LTBP2: variants seen among roughly 807,000 people sequenced by gnomAD.
LTBP2 encodes latent-transforming growth factor beta-binding protein 2.
LTBP2 carries 103 observed loss-of-function variants against 210.6 expected under a neutral mutation model. That is an observed-to-expected ratio of 0.49 (90% confidence interval 0.42 to 0.58). The LOEUF is 0.58. LTBP2 is among the 20% of genes least tolerant of loss of function. The pLI, the probability that LTBP2 is intolerant of heterozygous loss-of-function variation, is 0.00. For synonymous variants in LTBP2, 1,007 were observed against 1,015.0 expected, an observed-to-expected ratio of 0.99 and a Z score of 0.15; for missense variants, 2,313 against 2,494.5, an observed-to-expected ratio of 0.93 and a Z score of 1.55.
chr14:74,545,020 A>G (rs1479092349), intron 8 of LTBP2, among the ~76,000 whole-genome samples: 1 of 152,162 alleles, frequency 6.6e-6, no homozygotes, highest in East Asian at 1.9e-4. Context: ...CTGCCCCTCT[A>G]TCTAACCCAA....
At chr14:74,577,798 G>A (rs140569810) in intron 3 of LTBP2, among the ~76,000 whole-genome samples, 1,585 of 151,764 alleles carry the variant, frequency 0.01, 27 homozygotes, top group African/African-American at 0.036. Flanking sequence ...TGGCCAGCGC[G>A]CCCAGCTGAC....
chr14:74,519,901 G>A (rs1325052785), intron 17 of LTBP2, among the ~76,000 whole-genome samples: 1 of 152,204 alleles, frequency 6.6e-6, no homozygotes, highest in Admixed American at 6.5e-5. Context: ...TTGGAGCCCA[G>A]AGAAGCCTCC....
At chr14:74,533,035 T>C (rs1380157509) in intron 9 of LTBP2, among the ~76,000 whole-genome samples, 1 of 152,178 alleles carries the variant, frequency 6.6e-6, no homozygotes, top group African/African-American at 2.4e-5. Context: ...TGTAGAGATG[T>C]GTTTTCACCA....
Position 74,525,103 on chromosome 14 carries a change from CA to C in LTBP2, c.2530+20del, listed in dbSNP as rs777341333. Reference sequence around the variant, plus strand: ...TCACAGGGCAGGGTGCAGGGAGCCCCAAAGGTCTGGCTGCAGCTACCTGGGG... The same window carrying C: ...TCACAGGGCAGGGTGCAGGGAGCCCCAAGGTCTGGCTGCAGCTACCTGGGG... On this transcript the variant is annotated intron_variant, in intron 15 of 35. Coordinates refer to ENST00000261978, the MANE Select transcript of LTBP2 (RefSeq NM_000428.3). The C allele has an allele frequency of 2.1e-5, 27 of 1,294,312 alleles. No homozygotes were observed. Among genetic ancestry groups the C allele is most frequent in the Non-Finnish European group, 2.6e-5 (26 of 1,000,448 alleles). 80.2% of individuals were successfully genotyped at this position (1,294,312 alleles called of 1,614,324 possible).
intron 18 of LTBP2, among the ~76,000 whole-genome samples, chr14:74,515,439 T>C (rs777931377): frequency 3.3e-5 from 5 of 152,026 alleles, no homozygotes; most frequent in African/African-American, 4.8e-5. Context: ...GTATTTTTAG[T>C]AGAGACAGGG....
chr14:74,588,175 G>T (rs1398500046), intron 2 of LTBP2, among the ~76,000 whole-genome samples: 1 of 152,136 alleles, frequency 6.6e-6, no homozygotes, highest in Non-Finnish European at 1.5e-5. Context: ...CCATTCACTG[G>T]GCGTGCCCTG....
At chr14:74,549,131 G>A (rs2087615373) in intron 8 of LTBP2, among the ~76,000 whole-genome samples, 1 of 152,230 alleles carries the variant, frequency 6.6e-6, no homozygotes, top group Admixed American at 6.5e-5. Flanking sequence ...CCCAGGCCCA[G>A]AAAGGAGGCC....
intron 2 of LTBP2, among the ~76,000 whole-genome samples, chr14:74,591,533 T>G (rs1329700625): frequency 6.6e-6 from 1 of 152,144 alleles, no homozygotes; most frequent in African/African-American, 2.4e-5. Flanking sequence ...AGTTTCAGGT[T>G]TTTGGAGGTT....
chr14:74,598,252 C>T (rs1407965297), intron 2 of LTBP2, among the ~76,000 whole-genome samples: 2 of 152,206 alleles, frequency 1.3e-5, no homozygotes, highest in East Asian at 3.9e-4. Flanking sequence ...CAAGGAGGAG[C>T]TCAGATCAGG....
intron 3 of LTBP2, among the ~76,000 whole-genome samples, chr14:74,569,894 A>G (rs1384593858): frequency 1.3e-5 from 2 of 152,092 alleles, no homozygotes; most frequent in Admixed American, 1.3e-4. Flanking sequence ...CCACAGTCCT[A>G]AAGCTCAGGA....
rs1394960769 is a variant in LTBP2, at chr14:74,552,924, T to C, written c.1160A>G (p.His387Arg). 12 of 1,613,606 alleles carry C rather than the reference T, an allele frequency of 7.4e-6. No individual in the cohort carries two copies. The highest frequency in any genetic ancestry group is 1.6e-4 in the Middle Eastern group (1 of 6,062). Residue 387 changes from histidine to arginine, a missense_variant, in exon 5 of 36, where the codon CAT (histidine) becomes CGT (arginine). By Grantham distance (29) the His-to-Arg change is conservative. This residue lies in a region of LTBP2 where 1,867 missense variants were observed against 1,976.9 expected (regional missense o/e 0.94). Coordinates refer to ENST00000261978, the MANE Select transcript of LTBP2 (RefSeq NM_000428.3). ...GAAGCCAGACTTGGGATCGTGCCCATGGCCGCCCTGGCTGTACAGGGTGGT... is the reference window on the plus strand; with the variant it reads ...GAAGCCAGACTTGGGATCGTGCCCACGGCCGCCCTGGCTGTACAGGGTGGT... ...DTTTLYSQGG[H>R]GHDPKSGFRI...
At chr14:74,564,238 TATATTTATATATATTTATATATATTTATA>T (rs2087857754) in intron 3 of LTBP2, among the ~76,000 whole-genome samples, 1 of 36,904 alleles carries the variant, frequency 2.7e-5, no homozygotes, top group Non-Finnish European at 4.6e-5. Context: ...TATATTTATA[TATATTTATATATATTTATATATATTTATA>T]TATATTTATA....
At chr14:74,568,621 C>T (rs868150193) in intron 3 of LTBP2, among the ~76,000 whole-genome samples, 15 of 152,136 alleles carry the variant, frequency 9.9e-5, no homozygotes, top group African/African-American at 3.6e-4. Flanking sequence ...GTGCTAAGCA[C>T]TTTACATATA....
At chr14:74,593,681 G>A (rs546886517) in intron 2 of LTBP2, among the ~76,000 whole-genome samples, 4 of 152,240 alleles carry the variant, frequency 2.6e-5, no homozygotes, top group South Asian at 2.1e-4. Flanking sequence ...TCAAGTGCTC[G>A]ATACCCACAT....
intron 10 of LTBP2, among the ~76,000 whole-genome samples, chr14:74,529,342 T>C (rs1039742431): frequency 6.6e-6 from 1 of 152,244 alleles, no homozygotes; most frequent in African/African-American, 2.4e-5. Flanking sequence ...GTGTGCTTGA[T>C]GAGACTCGTG....
chr14:74,505,215 T>C, intron 28 of LTBP2, 41 bp from the exon 29 acceptor site: 1 of 1,585,074 alleles, frequency 6.3e-7, no homozygotes, highest in Non-Finnish European at 8.6e-7. Flanking sequence ...TTCATGACCC[T>C]CTAAGGGGGG....
At chr14:74,559,039 A>C (rs1214469729) in intron 3 of LTBP2, among the ~76,000 whole-genome samples, 3 of 152,176 alleles carry the variant, frequency 2.0e-5, no homozygotes, top group Non-Finnish European at 2.9e-5. Context: ...CAATTATTTC[A>C]CAAATACAAG....
At chr14:74,567,514 C>G (rs2139768320) in intron 3 of LTBP2, among the ~76,000 whole-genome samples, 1 of 152,236 alleles carries the variant, frequency 6.6e-6, no homozygotes, top group South Asian at 2.1e-4. Flanking sequence ...GGAAATGCCC[C>G]TCATTTTCTC....
At chr14:74,602,263 C>T (rs2088458743) in intron 2 of LTBP2, among the ~76,000 whole-genome samples, 1 of 152,208 alleles carries the variant, frequency 6.6e-6, no homozygotes, top group African/African-American at 2.4e-5. Flanking sequence ...ATCTGTAAGC[C>T]ACGATGATAA....
Sources: allele counts gnomAD v4.1 joint callset (sites outside exome capture counted in the v4.1 genomes callset), GRCh38; gene constraint gnomAD v4.1.1; regional missense constraint gnomAD v4.1.1; transcripts MANE v1.5; gene names NCBI Gene and HGNC (gene_info 2026-07-23, HGNC 2026-07-21).